KNL1: variants seen among roughly 807,000 people sequenced by gnomAD.
KNL1 encodes kinetochore scaffold 1, also known as outer kinetochore KNL1 complex subunit KNL1.
KNL1 carries 66 observed loss-of-function variants against 201.3 expected under a neutral mutation model. The ratio of observed to expected loss-of-function variants is 0.33; its 90% CI spans 0.27 to 0.40. The LOEUF (loss-of-function observed/expected upper bound fraction) is 0.40, where lower values mean the gene tolerates loss of function less well. Ranked by LOEUF, KNL1 falls within the 10% of genes least tolerant of loss-of-function variation. The probability of loss-of-function intolerance (pLI) is 1.00; values close to 1 mark genes in which losing one functional copy is unlikely to be tolerated. For synonymous variants in KNL1, 895 were observed against 899.2 expected (o/e 1.00, Z 0.08); for missense variants, 2,815 against 2,690.5 (o/e 1.05, Z -1.02).
At chr15:40,603,083 G>A (rs1891860577) in intron 2 of KNL1, 117 bp downstream of exon 2, 2 of 659,540 alleles carry the variant, frequency 3.0e-6, no homozygotes, top group South Asian at 1.9e-5. Flanking sequence ...CCAAGAAAAA[G>A]TAGTAGTTTT....
chr15:40,613,359 T>C (rs17747351), intron 7 of KNL1, among the ~76,000 whole-genome samples: 13,530 of 152,218 alleles, frequency 0.089, 840 homozygotes, highest in Non-Finnish European at 0.13. Flanking sequence ...CTAGTAAGAT[T>C]GCCTACAGAG....
At chr15:40,625,714 C>G in intron 10 of KNL1, 74 bp downstream of exon 10, 1 of 1,183,752 alleles carries the variant, frequency 8.4e-7, no homozygotes, top group Non-Finnish European at 1.2e-6. Context: ...TGTGGGTATT[C>G]TCAAATTTTA....
At chr15:40,598,174 CAA>C (rs1181187591) in intron 1 of KNL1, among the ~76,000 whole-genome samples, 6 of 89,442 alleles carry the variant, frequency 6.7e-5, no homozygotes, top group Admixed American at 2.3e-4. Context: ...AACTCCGTCT[CAA>C]AAAAAAAAAA....
chr15:40,634,791 T>C (rs1324957858), intron 13 of KNL1, among the ~76,000 whole-genome samples: 1 of 151,762 alleles, frequency 6.6e-6, no homozygotes, highest in Non-Finnish European at 1.5e-5. Flanking sequence ...ATTGGCAGGG[T>C]GAAGGAGGGA....
Position 40,651,662 on chromosome 15 carries a change from T to C in KNL1, c.6314+90T>C, listed in dbSNP as rs964726538. 6 of 883,212 alleles carry C rather than the reference T, an allele frequency of 6.8e-6. No homozygotes were observed. The East Asian group carries it at 1.3e-4, about 19-fold the overall frequency. 54.7% of individuals were successfully genotyped at this position (883,212 alleles called of 1,614,324 possible). A position where few individuals can be genotyped will look rare whatever the true frequency, so the allele number is the denominator to read the frequency against. Reference sequence around the variant, plus strand: ...TGGAGCAATTGATGTATTTTTAATGTGTTGCTGTTTTTAACCTATACAGTG... The same window carrying C: ...TGGAGCAATTGATGTATTTTTAATGCGTTGCTGTTTTTAACCTATACAGTG... On this transcript the variant is annotated intron_variant, in intron 20 of 25. Transcript: ENST00000399668.
intron 24 of KNL1, among the ~76,000 whole-genome samples, chr15:40,658,141 C>T (rs1209273434): frequency 6.6e-6 from 1 of 152,040 alleles, no homozygotes; most frequent in African/African-American, 2.4e-5. Context: ...TGGTGGGCGC[C>T]TGTAGTCCCA....
At chr15:40,639,415 A>G (rs933908394) in intron 13 of KNL1, among the ~76,000 whole-genome samples, 2 of 151,702 alleles carry the variant, frequency 1.3e-5, no homozygotes, top group African/African-American at 2.4e-5. Context: ...GTGAAACCCC[A>G]TATCTACTAA....
intron 12 of KNL1, 134 bp downstream of exon 12, chr15:40,628,812 A>G: frequency 1.9e-6 from 1 of 527,316 alleles, no homozygotes; most frequent in Non-Finnish European, 3.3e-6. Context: ...ACAGAAGACT[A>G]CTTTTCTTTG....
At chr15:40,650,666 G>T in intron 19 of KNL1, 83 bp downstream of exon 19, 1 of 1,269,994 alleles carries the variant, frequency 7.9e-7, no homozygotes, top group Non-Finnish European at 1.1e-6. Context: ...AGACTGACAG[G>T]ATTTGGGGAC....
At chr15:40,636,076 G>A (rs1382987100) in intron 13 of KNL1, among the ~76,000 whole-genome samples, 2 of 152,162 alleles carry the variant, frequency 1.3e-5, no homozygotes, top group African/African-American at 4.8e-5. Context: ...GACCTCTGGT[G>A]ATCTGCCTGC....
intron 4 of KNL1, among the ~76,000 whole-genome samples, chr15:40,607,320 C>CT (rs990320889): frequency 1.3e-5 from 2 of 152,040 alleles, no homozygotes; most frequent in African/African-American, 2.4e-5. Context: ...GATCAGTATT[C>CT]TTTTTTTTCA....
intron 21 of KNL1, among the ~76,000 whole-genome samples, chr15:40,654,569 A>C (rs1003419902): frequency 8.1e-6 from 1 of 123,124 alleles, no homozygotes; most frequent in African/African-American, 3.1e-5. Context: ...CAAATCAGGT[A>C]GTTTAAAAAA....
At chr15:40,615,512 T>C (rs1892310679) in intron 8 of KNL1, 134 bp downstream of exon 8, 1 of 272,832 alleles carries the variant, frequency 3.7e-6, no homozygotes, top group Non-Finnish European at 7.3e-6. Flanking sequence ...CTCACGCCTG[T>C]AATCCCAGTA....
intron 10 of KNL1, among the ~76,000 whole-genome samples, chr15:40,627,075 A>G (rs1244925933): frequency 1.3e-5 from 2 of 151,802 alleles, no homozygotes; most frequent in Admixed American, 6.6e-5. Context: ...TTGTATTTTC[A>G]GTAGAGTCAG....
In KNL1 at chr15:40,654,911, G is replaced by C. The variant is rs1314085962; in HGVS notation, c.6418G>C (p.Gly2140Arg). Reference protein sequence around the residue: ...LTITFEESVVGFPFLDKRYRK... With the variant: ...LTITFEESVVRFPFLDKRYRK... The stretch of plus-strand genomic sequence containing the variant: ...ATCATTATTCTGGTTCTTTCTAGTT[G>C]GTTTCCCTTTCCTGGACAAGCGTTA... The change falls in exon 22 of 26, where the codon GGT becomes CGT. Residue 2140 changes from glycine to arginine, a missense_variant and splice_region_variant. By Grantham distance (125) the Gly-to-Arg change is moderately radical (BLOSUM62 -2). Coordinates refer to ENST00000399668, the MANE Select transcript of KNL1 (RefSeq NM_144508.5). 1.9e-6 allele frequency: 3 copies of C among 1,610,052 alleles called. No individual in the cohort carries two copies. The highest frequency in any genetic ancestry group is 2.5e-6 in the Non-Finnish European group (3 of 1,177,654).
Position 40,621,491 on chromosome 15 carries a change from A to G in KNL1, c.1227A>G (p.Leu409=), listed in dbSNP as rs1253376303. ...SQTCNQDARI[L]AMTPESIYSN... is the part of the protein sequence containing the mutation. ...CTTGTAATCAGGATGCCAGAATATT[A>G]GCCATGACCCCAGAATCTATATATT... is the stretch of plus-strand genomic sequence containing the variant. Residue 409 remains leucine (L), a synonymous_variant, in exon 10 of 26, where the codon TTA becomes TTG. Transcript: ENST00000399668. 1 of 1,613,988 alleles carries G rather than the reference A, an allele frequency of 6.2e-7. No individual in the cohort carries two copies.
chr15:40,627,167 T>A (rs890759251), intron 10 of KNL1, among the ~76,000 whole-genome samples: 5 of 152,098 alleles, frequency 3.3e-5, no homozygotes, highest in Non-Finnish European at 5.9e-5. Context: ...AATGTTGGGG[T>A]TACAGGCGTG....
In KNL1 at chr15:40,623,854, T is replaced by G; in HGVS notation, c.3590T>G (p.Leu1197Trp). 2 of 1,613,614 alleles carry G rather than the reference T, an allele frequency of 1.2e-6. No individual in the cohort carries two copies. Among genetic ancestry groups the G allele is most frequent in the Non-Finnish European group, 1.7e-6 (2 of 1,179,850 alleles). Residue 1197 changes from leucine to tryptophan, a missense_variant, in exon 10 of 26, where the codon TTG (leucine) becomes TGG (tryptophan). Physicochemically the swap from Leu to Trp is moderately conservative, Grantham distance 61. Around this residue, in one of 3 missense-constraint regions of KNL1, gnomAD observed 2,464 missense variants for 2,291.7 expected, o/e 1.08. Coordinates refer to ENST00000399668, the MANE Select transcript of KNL1 (RefSeq NM_144508.5). ...TTTGGAATAGGAAAAGGAAAAAACT[T>G]GGGTGTTTCCTTTCCTAAGGATAAT... ...PKFGIGKGKN[L>W]GVSFPKDNSC...
Position 40,624,176 on chromosome 15 carries a change from T to C in KNL1, c.3912T>C (p.Cys1304=), listed in dbSNP as rs1364132346. 1 of 1,613,984 alleles carries C rather than the reference T, an allele frequency of 6.2e-7. No homozygotes were observed. Among genetic ancestry groups the C allele is most frequent in the Admixed American group, 1.7e-5 (1 of 60,020 alleles). The change falls in exon 10 of 26, where the codon TGT becomes TGC. Residue 1304 remains cysteine, a synonymous_variant. Coordinates refer to ENST00000399668, the MANE Select transcript of KNL1 (RefSeq NM_144508.5). ...GTGGATCCAGTGATAATTATTCCTG[T>C]TTACCAAATGTTATTTCCTGTACTG... The part of the protein sequence containing the change: ...AVCGSSDNYS[C]LPNVISCTDN...
Sources: gnomAD v4.1 joint callset for allele counts (sites outside exome capture counted in the v4.1 genomes callset) on GRCh38, gnomAD v4.1.1 for gene constraint, gnomAD v4.1.1 regional missense constraint, MANE v1.5 for transcripts, NCBI Gene and HGNC (gene_info 2026-07-23, HGNC 2026-07-21) for gene names.